ASTN2: variants seen among roughly 807,000 people sequenced by gnomAD.
ASTN2 encodes the protein astrotactin 2.
Under a neutral mutation model 139.8 loss-of-function variants are expected in ASTN2, and 54 were observed. That is an observed-to-expected ratio of 0.39 (90% CI 0.31 to 0.48). The LOEUF is 0.48. Ranked by LOEUF, ASTN2 falls within the 20% of genes least tolerant of loss-of-function variation. The pLI, the probability that ASTN2 is intolerant of heterozygous loss-of-function variation, is 0.95. For missense variants in ASTN2, 1,565 were observed against 1,725.1 expected, an observed-to-expected ratio of 0.91 and a Z score of 1.64; for synonymous variants, 756 against 719.5, an observed-to-expected ratio of 1.05 and a Z score of -0.81.
At chr9:117,221,049 G>C (rs1428043901) in intron 2 of ASTN2, among the ~76,000 whole-genome samples, 1 of 152,146 alleles carries the variant, frequency 6.6e-6, no homozygotes, top group Admixed American at 6.5e-5. Flanking sequence ...CCCAGGGAAG[G>C]TGCTTAATAA....
intron 11 of ASTN2, among the ~76,000 whole-genome samples, chr9:116,840,249 AAAATG>A (rs997801174): frequency 2.0e-5 from 3 of 150,172 alleles, no homozygotes; most frequent in Non-Finnish European, 4.4e-5. Flanking sequence ...AGTACAGAAC[AAAATG>A]AAAAGTCTCC....
rs368240408 is a variant in ASTN2, at chr9:116,699,597, C to T, written c.2806+26174G>A. The T allele has an allele frequency of 2.5e-6, 4 of 1,614,056 alleles. No homozygotes were observed. The highest frequency in any genetic ancestry group is 3.4e-6 in the Non-Finnish European group (4 of 1,180,042). ...CCTTATTCGAGAGGGACTTACCTGT[C>T]CGGTGGGCATAGCCCTAACTCCTAA... is the stretch of plus-strand genomic sequence containing the variant. On this transcript the variant is annotated intron_variant, in intron 16 of 22. Transcript: ENST00000313400. This position sits in a 1 kb window ranked among gnomAD's most constrained non-coding sequence, Gnocchi z 4.2.
At chr9:116,438,937 C>T (rs535391163) in intron 22 of ASTN2, among the ~76,000 whole-genome samples, 16 of 152,094 alleles carry the variant, frequency 1.1e-4, no homozygotes, top group African/African-American at 1.2e-4. Context: ...CCAATAACAG[C>T]GAAACTCCAT....
At chr9:116,890,682 T>C (rs964747708) in intron 10 of ASTN2, among the ~76,000 whole-genome samples, 2 of 152,200 alleles carry the variant, frequency 1.3e-5, no homozygotes, top group Admixed American at 6.5e-5. Flanking sequence ...ATGGCACTGC[T>C]GATAAGGTCG....
At chr9:116,766,988 TGATA>T (rs932328760) in intron 13 of ASTN2, among the ~76,000 whole-genome samples, 7 of 150,642 alleles carry the variant, frequency 4.6e-5, no homozygotes, top group Non-Finnish European at 1.0e-4. Context: ...GCACACAGAT[TGATA>T]GTCACACAAA....
At chr9:117,278,210 C>T (rs1236728128) in intron 2 of ASTN2, among the ~76,000 whole-genome samples, 1 of 152,178 alleles carries the variant, frequency 6.6e-6, no homozygotes, top group African/African-American at 2.4e-5. Flanking sequence ...CACTCCAGTC[C>T]TATTGAGGAG....
At chr9:116,724,078 G>A (rs1431095356) in intron 16 of ASTN2, among the ~76,000 whole-genome samples, 1 of 152,170 alleles carries the variant, frequency 6.6e-6, no homozygotes, top group Non-Finnish European at 1.5e-5. Context: ...ATGGAGAAGG[G>A]GTGGGATTTA....
intron 5 of ASTN2, among the ~76,000 whole-genome samples, chr9:117,052,264 C>A (rs776116929): frequency 6.6e-6 from 1 of 151,220 alleles, no homozygotes; most frequent in Non-Finnish European, 1.5e-5. Context: ...CGTGGTGAAA[C>A]CCCGTCTTTA....
Position 117,070,864 on chromosome 9 carries a change from C to T in ASTN2, c.1276+25180G>A, listed in dbSNP as rs1224942700. Among the ~76,000 whole-genome samples, 4 of 150,782 alleles carry T rather than the reference C, an allele frequency of 2.7e-5. No individual in the cohort carries two copies. The East Asian group carries it at 7.8e-4, about 29-fold the overall frequency. On this transcript the variant is annotated intron_variant, in intron 5 of 22. Coordinates refer to ENST00000313400, the MANE Select transcript of ASTN2 (RefSeq NM_001365068.1). The stretch of plus-strand genomic sequence containing the variant: ...GAGCCTTGGTTTTCAGCTCCATCAG[C>T]TCCTTTAAGCACTTCTCTGTATTGG...
chr9:116,803,404 T>C (rs1407126207), intron 13 of ASTN2, among the ~76,000 whole-genome samples: 2 of 145,184 alleles, frequency 1.4e-5, no homozygotes, highest in South Asian at 4.4e-4. Flanking sequence ...TAACCTTGAA[T>C]GGCCAGGCTC....
intron 16 of ASTN2, chr9:116,687,069 G>C (rs529912349): frequency 4.7e-6 from 6 of 1,269,454 alleles, no homozygotes; most frequent in Middle Eastern, 3.2e-4. Context: ...GACTTACTGA[G>C]TGAACTTGAG....
At chr9:116,429,525 G>T (rs1389657137) in intron 22 of ASTN2, among the ~76,000 whole-genome samples, 2 of 152,064 alleles carry the variant, frequency 1.3e-5, no homozygotes, top group Non-Finnish European at 2.9e-5. Flanking sequence ...TATAGTGAGG[G>T]TTAAGTCAGT....
chr9:116,964,260 C>CGCGCGT (rs1554765674), intron 10 of ASTN2, among the ~76,000 whole-genome samples: 1 of 137,898 alleles, frequency 7.3e-6, no homozygotes, highest in African/African-American at 2.7e-5. Context: ...TGTGTGTGCG[C>CGCGCGT]GCGCGCGCGT....
chr9:117,346,699 G>A (rs536615897), intron 1 of ASTN2, among the ~76,000 whole-genome samples: 1 of 152,254 alleles, frequency 6.6e-6, no homozygotes, highest in African/African-American at 2.4e-5. Context: ...ATGTTCTCCT[G>A]CCAGTAGTGA....
At chr9:116,601,995 G>A (rs1854926122) in intron 19 of ASTN2, among the ~76,000 whole-genome samples, 1 of 152,184 alleles carries the variant, frequency 6.6e-6, no homozygotes, top group African/African-American at 2.4e-5. Flanking sequence ...GACCCTGCAA[G>A]AGAGGCTAAG....
At chr9:116,601,463 T>C (rs1042625137) in intron 19 of ASTN2, among the ~76,000 whole-genome samples, 1 of 152,056 alleles carries the variant, frequency 6.6e-6, no homozygotes, top group Non-Finnish European at 1.5e-5. Context: ...GAGTTGAGAA[T>C]TGAAAGGGAG....
chr9:117,170,151 T>C (rs1469967477), intron 3 of ASTN2, among the ~76,000 whole-genome samples: 2 of 152,204 alleles, frequency 1.3e-5, no homozygotes, highest in African/African-American at 2.4e-5. Flanking sequence ...AAGTATTTAA[T>C]AGTAATAAGA....
intron 16 of ASTN2, chr9:116,697,513 C>G (rs1230799688): frequency 3.6e-6 from 2 of 554,284 alleles, no homozygotes; most frequent in African/African-American, 3.8e-5. Context: ...ATCTGTCACC[C>G]TCACGTGACA....
intron 7 of ASTN2, among the ~76,000 whole-genome samples, chr9:116,995,284 G>A (rs949962204): frequency 1.3e-5 from 2 of 152,156 alleles, no homozygotes; most frequent in African/African-American, 2.4e-5. Flanking sequence ...GAGCTGGAGA[G>A]TACTCAGGGA....
Sources: gnomAD v4.1 joint callset for allele counts (sites outside exome capture counted in the v4.1 genomes callset) on GRCh38, gnomAD v4.1.1 for gene constraint, Gnocchi (gnomAD v3.1) non-coding constraint, MANE v1.5 for transcripts, NCBI Gene and HGNC (gene_info 2026-07-23, HGNC 2026-07-21) for gene names.